ZKSCAN2: variants seen among roughly 807,000 people sequenced by gnomAD.
ZKSCAN2 encodes the protein zinc finger protein with KRAB and SCAN domains 2.
A neutral mutation model predicts 90.5 loss-of-function variants in ZKSCAN2; 38 were observed. The observed-to-expected ratio is 0.42, with a 90% CI of 0.32 to 0.55. The LOEUF is 0.55. ZKSCAN2 is among the 20% of genes least tolerant of loss of function. ZKSCAN2 has a pLI of 0.11. For synonymous variants in ZKSCAN2, 429 were observed against 421.6 expected (o/e 1.02, Z -0.22); for missense variants, 1,167 against 1,202.6 (o/e 0.97, Z 0.44).
rs1240495174 is a variant in ZKSCAN2, at chr16:25,252,934, A to T, written c.678+12T>A. ...CTCCATCTCAAAGAAAAAAAAGACA[A>T]TTACAATGTACCTGGGACCCAGCAG... On this transcript the variant is annotated intron_variant, in intron 3 of 6. Transcript: ENST00000328086. 9.3e-6 allele frequency: 15 copies of T among 1,607,774 alleles called. No individual in the cohort carries two copies. Among genetic ancestry groups the T allele is most frequent in the Non-Finnish European group, 1.1e-5 (13 of 1,174,506 alleles).
intron 6 of ZKSCAN2, among the ~76,000 whole-genome samples, chr16:25,241,488 A>C (rs1042569450): frequency 1.3e-5 from 2 of 152,208 alleles, no homozygotes; most frequent in African/African-American, 4.8e-5. Flanking sequence ...AAAAGTCTGG[A>C]GAACAGTATG....
At position 25,249,943 on chromosome 16, in the gene ZKSCAN2, G is replaced by T. The variant is rs150181004; in HGVS notation, c.805+1966C>A. 5.9e-5 allele frequency among the ~76,000 whole-genome samples: 9 copies of T among 152,198 alleles called. No homozygotes were observed. The East Asian group carries it at 1.7e-3, about 29-fold the overall frequency. On this transcript the variant is annotated intron_variant, in intron 4 of 6. Coordinates refer to ENST00000328086, the MANE Select transcript of ZKSCAN2 (RefSeq NM_001012981.5). ...TAGTCCAGACATGGAAACAACCCAA[G>T]TACCTCCTGATGAATGAATATTGAA... is the stretch of plus-strand genomic sequence containing the variant.
rs149614841 is a variant in ZKSCAN2, at chr16:25,239,530, C to T, written c.*286G>A. The T allele has an allele frequency of 1.8e-4, 49 of 276,276 alleles. 1 individual carries two copies. The highest frequency in any genetic ancestry group is 1.0e-3 in the African/African-American group (46 of 46,174). The allele number at this position is 276,276 out of a possible 1,614,324, so 17.1% of individuals were successfully genotyped here. On this transcript the variant is annotated 3_prime_UTR_variant, in exon 7 of 7. Transcript: ENST00000328086. ...ATGGAAGATCTTGAATGTTGCCGAA[C>T]TTAGCAATCCAGTTGCAGTGGCCTC...
intron 6 of ZKSCAN2, 47 bp downstream of exon 6, chr16:25,243,738 A>G (rs778409381): frequency 1.9e-6 from 2 of 1,036,248 alleles, no homozygotes; most frequent in South Asian, 3.8e-5. Context: ...TCAGTAAATC[A>G]CACTTATTCC....
chr16:25,256,581 T>G (rs1396957361), intron 1 of ZKSCAN2, 148 bp downstream of exon 1: 1 of 760,470 alleles, frequency 1.3e-6, no homozygotes, highest in East Asian at 2.6e-5. Context: ...GTGGATTCAC[T>G]TAAAGTGAAA....
chr16:25,247,781 A>G (rs1305346342), intron 4 of ZKSCAN2, among the ~76,000 whole-genome samples: 5 of 152,174 alleles, frequency 3.3e-5, no homozygotes, highest in Admixed American at 2.6e-4. Context: ...CCCAACATAC[A>G]TAACATACAT....
intron 6 of ZKSCAN2, among the ~76,000 whole-genome samples, chr16:25,242,271 A>G (rs1183970751): frequency 5.9e-5 from 9 of 152,226 alleles, no homozygotes; most frequent in Non-Finnish European, 1.5e-5. Flanking sequence ...TAATTTGATG[A>G]TAGGTTTGGA....
At chr16:25,243,518 AG>A (rs1207368989) in intron 6 of ZKSCAN2, among the ~76,000 whole-genome samples, 2 of 152,126 alleles carry the variant, frequency 1.3e-5, no homozygotes, top group African/African-American at 4.8e-5. Flanking sequence ...CAGTAGAGAC[AG>A]GGTTTCGCCA....
rs555923359 is a variant in ZKSCAN2 at position 25,256,360 on chromosome 16, G to A, written c.399+369C>T. ...AAGTCTTTTTTTTTTTTTTTTAAAGGGGGAACAGAATAGCCTTTTTTGATC... is the reference window on the plus strand; with the variant it reads ...AAGTCTTTTTTTTTTTTTTTTAAAGAGGGAACAGAATAGCCTTTTTTGATC... On this transcript the variant is annotated intron_variant, in intron 1 of 6. Transcript: ENST00000328086. Among the ~76,000 whole-genome samples the A allele has an allele frequency of 3.3e-5, 5 of 151,578 alleles. No homozygotes were observed. In the East Asian group the frequency reaches 9.6e-4, roughly 29 times the overall value.
intron 2 of ZKSCAN2, among the ~76,000 whole-genome samples, chr16:25,254,070 C>A (rs960610979): frequency 9.9e-5 from 15 of 152,228 alleles, no homozygotes; most frequent in African/African-American, 3.6e-4. Flanking sequence ...GTTAAGTATC[C>A]TGACCAAGGC....
At chr16:25,253,134 A>G in intron 2 of ZKSCAN2, 97 bp from the exon 3 acceptor site, 1 of 919,342 alleles carries the variant, frequency 1.1e-6, no homozygotes, top group Non-Finnish European at 1.8e-6. Flanking sequence ...TGAAACACCA[A>G]CAAATATAAA....
Position 25,257,627 on chromosome 16 carries a change from C to G in ZKSCAN2, c.-500G>C. ...CACGTCCAGGCCGCCGCGGGTGCCG[C>G]TGGGGCCGCCGGATTCCGAGAGCGG... On this transcript the variant is annotated 5_prime_UTR_variant, in exon 1 of 7. Transcript: ENST00000328086. 3 of 503,854 alleles carry G rather than the reference C, an allele frequency of 6.0e-6. No homozygotes were observed. The highest frequency in any genetic ancestry group is 2.1e-5 in the African/African-American group (1 of 47,870). 31.2% of individuals were successfully genotyped at this position (503,854 alleles called of 1,614,324 possible).
chr16:25,239,642 A>T lies in ZKSCAN2; in HGVS notation c.*174T>A. On this transcript the variant is annotated 3_prime_UTR_variant, in exon 7 of 7. Transcript: ENST00000328086. ...GAGAAGCTGAGACACACAGAAGAGG[A>T]GGAACAGACTGATGAAGTTAGAGGC... The T allele has an allele frequency of 1.8e-6, 1 of 571,380 alleles. No individual in the cohort carries two copies. Among genetic ancestry groups the T allele is most frequent in the Non-Finnish European group, 3.0e-6 (1 of 329,294 alleles). The allele number at this position is 571,380 out of a possible 1,614,324, so 35.4% of individuals were successfully genotyped here. A position where few individuals can be genotyped will look rare whatever the true frequency, so the allele number is the denominator to read the frequency against.
rs748667250 is a variant in ZKSCAN2 at position 25,244,079 on chromosome 16, T to C, written c.1687A>G (p.Lys563Glu). 2.5e-6 allele frequency: 4 copies of C among 1,614,198 alleles called. No homozygotes were observed. The highest frequency in any genetic ancestry group is 3.4e-6 in the Non-Finnish European group (4 of 1,180,038). ...TCTAGCACGTGGCCATTTTTCACCT[T>C]GCGGTAACTCTTCTGAAGGCTTTTG... ...KFKSLQKSYR[K>E]VKNGHVLESC... is the part of the protein sequence containing the mutation. Residue 563 changes from lysine (K) to glutamate (E), a missense_variant, in exon 6 of 7, where the codon AAG (lysine) becomes GAG (glutamate). Lys to Glu is a moderately conservative substitution (Grantham distance 56, BLOSUM62 1). Transcript: ENST00000328086.
intron 3 of ZKSCAN2, 24 bp downstream of exon 3, chr16:25,252,922 A>G: frequency 2.5e-6 from 4 of 1,584,080 alleles, no homozygotes; most frequent in Non-Finnish European, 3.5e-6. Context: ...CATCTCAAAG[A>G]AAAAAAAGAC....
At chr16:25,250,986 C>T (rs530820486) in intron 4 of ZKSCAN2, among the ~76,000 whole-genome samples, 1 of 152,194 alleles carries the variant, frequency 6.6e-6, no homozygotes, top group Non-Finnish European at 1.5e-5. Context: ...GAACTCCTGA[C>T]CTCAGGTGAT....
rs1962784064 is a variant in ZKSCAN2 at position 25,237,287 on chromosome 16, G to A, written c.*2529C>T. 1 of 152,144 alleles carries A rather than the reference G, an allele frequency of 6.6e-6. No homozygotes were observed. The highest frequency in any genetic ancestry group is 1.5e-5 in the Non-Finnish European group (1 of 68,042). The allele number at this position is 152,144 out of a possible 1,614,324, so 9.4% of individuals were successfully genotyped here. On this transcript the variant is annotated 3_prime_UTR_variant, in exon 7 of 7. Coordinates refer to ENST00000328086, the MANE Select transcript of ZKSCAN2 (RefSeq NM_001012981.5). ...ACAGGTAGTGTTGGTCTAAAATGGG[G>A]GGGAGACCTTCCATTTCTTCAGAAC...
At position 25,257,421 on chromosome 16, in the gene ZKSCAN2, C is replaced by T; in HGVS notation, c.-294G>A. On this transcript the variant is annotated 5_prime_UTR_variant, in exon 1 of 7. Transcript: ENST00000328086. Reference sequence around the variant, plus strand: ...TAGTGCAAAGTCGGAAACCGGGAGGCTGGACGACTGGGAGAAAAATGAAGC... The same window carrying T: ...TAGTGCAAAGTCGGAAACCGGGAGGTTGGACGACTGGGAGAAAAATGAAGC... The T allele has an allele frequency of 9.0e-7, 1 of 1,111,980 alleles. No individual in the cohort carries two copies. Among genetic ancestry groups the T allele is most frequent in the Non-Finnish European group, 1.1e-6 (1 of 912,792 alleles). The allele number at this position is 1,111,980 out of a possible 1,614,324, so 68.9% of individuals were successfully genotyped here.
intron 2 of ZKSCAN2, among the ~76,000 whole-genome samples, chr16:25,254,479 C>G (rs1326653225): frequency 6.6e-6 from 1 of 152,242 alleles, no homozygotes; most frequent in East Asian, 1.9e-4. Context: ...AAACTTTGAA[C>G]ACAAATGCCT....
Sources: allele counts gnomAD v4.1 joint callset (sites outside exome capture counted in the v4.1 genomes callset), GRCh38; gene constraint gnomAD v4.1.1; transcripts MANE v1.5; gene names NCBI Gene and HGNC (gene_info 2026-07-23, HGNC 2026-07-21).